The following KLHL1 variants were observed in gnomAD, a reference collection of about 807,000 sequenced individuals.
KLHL1 encodes the protein kelch like family member 1, also known as kelch-like protein 1.
Under a neutral mutation model 77.7 loss-of-function variants are expected in KLHL1, and 47 were observed. The observed-to-expected ratio is 0.60, with a 90% confidence interval of 0.48 to 0.77. The LOEUF is 0.77. Among genes scored for constraint, KLHL1 ranks in the 30% least tolerant of loss-of-function variants. The pLI is 0.00. For missense variants in KLHL1, 925 were observed against 910.8 expected (o/e 1.02, Z -0.20); for synonymous variants, 360 against 325.2 (o/e 1.11, Z -1.15).
intron 1 of KLHL1, among the ~76,000 whole-genome samples, chr13:70,051,698 G>C (rs1344393775): frequency 6.6e-6 from 1 of 151,960 alleles, no homozygotes; most frequent in Non-Finnish European, 1.5e-5. Context: ...ACATTACTAA[G>C]ACTAGATGTG....
At chr13:69,707,328 C>G (rs528269180) in intron 10 of KLHL1, among the ~76,000 whole-genome samples, 2 of 152,038 alleles carry the variant, frequency 1.3e-5, no homozygotes, top group East Asian at 3.9e-4. Context: ...ATATATTACA[C>G]TTTTATTTTT....
intron 1 of KLHL1, among the ~76,000 whole-genome samples, chr13:70,103,124 G>A (rs1323264474): frequency 6.6e-6 from 1 of 152,306 alleles, no homozygotes; most frequent in South Asian, 2.1e-4. Flanking sequence ...GGTACAGCAC[G>A]TTTATGCATG....
intron 6 of KLHL1, 75 bp from the exon 7 acceptor site, chr13:69,797,037 T>G (rs1265779164): frequency 8.2e-7 from 1 of 1,222,258 alleles, no homozygotes; most frequent in South Asian, 1.3e-5. Flanking sequence ...AGGGTACAAA[T>G]TAGGATGTGA....
intron 1 of KLHL1, among the ~76,000 whole-genome samples, chr13:70,013,298 G>A (rs1257591726): frequency 1.3e-5 from 2 of 152,040 alleles, no homozygotes; most frequent in East Asian, 3.9e-4. Flanking sequence ...AAAACAAAGG[G>A]AATGCAGAGA....
chr13:69,969,698 A>T (rs970822157), intron 2 of KLHL1, among the ~76,000 whole-genome samples: 8 of 151,698 alleles, frequency 5.3e-5, no homozygotes, highest in African/African-American at 1.5e-4. Flanking sequence ...CTAACTCATT[A>T]AAAAAAACTG....
intron 7 of KLHL1, among the ~76,000 whole-genome samples, chr13:69,741,985 G>A (rs180966478): frequency 1.5e-3 from 222 of 152,206 alleles, no homozygotes; most frequent in Admixed American, 2.4e-3. Context: ...AACACAGATC[G>A]CTTATGATCC....
At chr13:69,891,132 G>A (rs1283943761) in intron 4 of KLHL1, among the ~76,000 whole-genome samples, 1 of 151,980 alleles carries the variant, frequency 6.6e-6, no homozygotes, top group African/African-American at 2.4e-5. Flanking sequence ...TGCCATACAT[G>A]TTTTGTTATC....
At chr13:69,723,815 C>G (rs1044311429) in intron 8 of KLHL1, among the ~76,000 whole-genome samples, 3 of 150,682 alleles carry the variant, frequency 2.0e-5, no homozygotes, top group Non-Finnish European at 4.4e-5. Context: ...CTGATAATAA[C>G]TCTTTCAGCC....
intron 5 of KLHL1, among the ~76,000 whole-genome samples, chr13:69,842,320 G>A (rs1251814054): frequency 6.6e-6 from 1 of 151,480 alleles, no homozygotes; most frequent in African/African-American, 2.4e-5. Context: ...TACGCAGAAT[G>A]TACAGGAAAC....
intron 1 of KLHL1, among the ~76,000 whole-genome samples, chr13:70,080,144 G>C (rs1489744961): frequency 6.6e-6 from 1 of 152,130 alleles, no homozygotes; most frequent in Non-Finnish European, 1.5e-5. Flanking sequence ...AGTCTGAAAG[G>C]ATACGTGTTG....
chr13:69,997,369 TG>T (rs1193952955), intron 1 of KLHL1, among the ~76,000 whole-genome samples: 1 of 150,774 alleles, frequency 6.6e-6, no homozygotes, highest in East Asian at 1.9e-4. Flanking sequence ...ATGCAGTATT[TG>T]GTAACTATAG....
rs541255622 is a variant in KLHL1 at position 69,978,598 on chromosome 13, T to C, written c.498-2796A>G. Among the ~76,000 whole-genome samples, 6 of 151,904 alleles carry C rather than the reference T, an allele frequency of 3.9e-5. No homozygotes were observed. The East Asian group carries it at 9.8e-4, about 25-fold the overall frequency. The stretch of plus-strand genomic sequence containing the variant: ...GCCCCCCGGGTTCAAGTGATTCTCC[T>C]GCCTCAGCCTCCTGAGTAGCTGGGA... On this transcript the variant is annotated intron_variant, in intron 1 of 10. Transcript: ENST00000377844.
rs1327183925 is a variant in KLHL1, at chr13:70,107,356, G to A, written c.344C>T (p.Pro115Leu). Residue 115 changes from proline (P) to leucine (L), a missense_variant, in exon 1 of 11, where the codon CCA becomes CTA. Coordinates refer to ENST00000377844, the MANE Select transcript of KLHL1 (RefSeq NM_020866.3). ...CTCCACGTAGAAGAGAGTCCTGGCT[G>A]GCTGCTGAGTGCCCTGCCCAGGAGC... ...QGAPGQGTQQ[P>L]ARTLFYVESL... 4 of 1,614,020 alleles carry A rather than the reference G, an allele frequency of 2.5e-6. No individual in the cohort carries two copies. The highest frequency in any genetic ancestry group is 3.4e-6 in the Non-Finnish European group (4 of 1,180,022).
intron 7 of KLHL1, among the ~76,000 whole-genome samples, chr13:69,781,663 T>A (rs77079285): frequency 6.6e-6 from 1 of 152,178 alleles, no homozygotes; most frequent in African/African-American, 2.4e-5. Flanking sequence ...TTTTTACCCA[T>A]GATATTCTGA....
intron 6 of KLHL1, among the ~76,000 whole-genome samples, chr13:69,836,195 G>A (rs1343575567): frequency 6.6e-6 from 1 of 152,026 alleles, no homozygotes; most frequent in Non-Finnish European, 1.5e-5. Flanking sequence ...TGTGGGCTGA[G>A]GCCTCTGGGC....
chr13:70,016,841 T>C (rs1176676422), intron 1 of KLHL1, among the ~76,000 whole-genome samples: 1 of 152,070 alleles, frequency 6.6e-6, no homozygotes, highest in East Asian at 1.9e-4. Flanking sequence ...TGGTGGTTTT[T>C]CCAGGTCCAC....
chr13:69,960,608 C>T (rs533374760), intron 3 of KLHL1, among the ~76,000 whole-genome samples: 1 of 152,138 alleles, frequency 6.6e-6, no homozygotes, highest in African/African-American at 2.4e-5. Flanking sequence ...TCATCTACAT[C>T]TTCTGTTCAT....
At chr13:70,055,993 AAATGGACTGAACTCC>A (rs1886735168) in intron 1 of KLHL1, among the ~76,000 whole-genome samples, 3 of 152,106 alleles carry the variant, frequency 2.0e-5, no homozygotes, top group Admixed American at 6.5e-5. Context: ...CATTAAATAT[AAATGGACTGAACTCC>A]AATCAAAAGA....
chr13:69,895,158 G>T (rs1329914204), intron 4 of KLHL1: 1 of 470,394 alleles, frequency 2.1e-6, no homozygotes, highest in Admixed American at 2.5e-5. Flanking sequence ...TCCATGAGAA[G>T]GTAGTCTTTA....
Sources: gnomAD v4.1 joint callset for allele counts (sites outside exome capture counted in the v4.1 genomes callset) on GRCh38, gnomAD v4.1.1 for gene constraint, MANE v1.5 for transcripts, NCBI Gene and HGNC (gene_info 2026-07-23, HGNC 2026-07-21) for gene names.